Variants in CSMD1 observed in about 807,000 individuals in gnomAD.
CSMD1 encodes the protein CUB and Sushi multiple domains 1, also known as CUB and sushi domain-containing protein 1.
Under a neutral mutation model 417.5 loss-of-function variants are expected in CSMD1, and 213 were observed. That is an observed-to-expected ratio of 0.51 (90% confidence interval 0.46 to 0.57). The LOEUF is 0.57. CSMD1 is among the 20% of genes least tolerant of loss of function. CSMD1 has a pLI of 0.00. For missense variants in CSMD1, 6,923 were observed against 4,529.7 expected (o/e 1.53, Z -15.17); for synonymous variants, 2,862 against 1,736.8 (o/e 1.65, Z -16.11).
chr8:3,957,613 G>C (rs1371591924), intron 5 of CSMD1, among the ~76,000 whole-genome samples: 1 of 152,136 alleles, frequency 6.6e-6, no homozygotes, highest in Non-Finnish European at 1.5e-5. Flanking sequence ...GATCTCAGGA[G>C]TTCGGGGTTG....
intron 5 of CSMD1, among the ~76,000 whole-genome samples, chr8:3,760,148 G>T (rs1449632229): frequency 6.6e-6 from 1 of 152,080 alleles, no homozygotes. Context: ...GTCTTCTTAA[G>T]GGAATTTTGA....
At chr8:3,746,929 C>G (rs1797090498) in intron 6 of CSMD1, among the ~76,000 whole-genome samples, 2 of 152,218 alleles carry the variant, frequency 1.3e-5, no homozygotes, top group Admixed American at 1.3e-4. Context: ...GGCCTGTCAG[C>G]TTTCTGCCTG....
At chr8:4,768,641 C>T (rs548180997) in intron 1 of CSMD1, among the ~76,000 whole-genome samples, 1 of 152,198 alleles carries the variant, frequency 6.6e-6, no homozygotes, top group South Asian at 2.1e-4. Context: ...GGGTGATACC[C>T]GCAAAGTACA....
chr8:4,777,475 A>G (rs920915925), intron 1 of CSMD1, among the ~76,000 whole-genome samples: 1 of 152,174 alleles, frequency 6.6e-6, no homozygotes, highest in East Asian at 1.9e-4. Flanking sequence ...GACTCCTATA[A>G]TAAGATCAGA....
intron 3 of CSMD1, among the ~76,000 whole-genome samples, chr8:4,344,427 A>G (rs1347743693): frequency 6.6e-6 from 1 of 152,086 alleles, no homozygotes; most frequent in Admixed American, 6.6e-5. Context: ...AGGCAGGAAT[A>G]TTTTAAAACT....
intron 7 of CSMD1, among the ~76,000 whole-genome samples, chr8:3,689,371 A>T (rs1051853592): frequency 6.6e-6 from 1 of 152,214 alleles, no homozygotes; most frequent in Non-Finnish European, 1.5e-5. Context: ...TGCTGATGCC[A>T]TCAGAAATGC....
At chr8:4,326,147 A>C (rs113608152) in intron 3 of CSMD1, among the ~76,000 whole-genome samples, 17 of 152,276 alleles carry the variant, frequency 1.1e-4, no homozygotes, top group African/African-American at 3.8e-4. Flanking sequence ...TATTCAGTTT[A>C]GAGTTGTGCC....
intron 2 of CSMD1, among the ~76,000 whole-genome samples, chr8:4,608,733 C>T (rs751377753): frequency 3.9e-5 from 6 of 152,090 alleles, no homozygotes; most frequent in Admixed American, 2.0e-4. Flanking sequence ...AAGTCTGTGA[C>T]GATGTGTTTT....
chr8:4,925,653 T>G (rs1585341895), intron 1 of CSMD1, among the ~76,000 whole-genome samples: 1 of 152,020 alleles, frequency 6.6e-6, no homozygotes, highest in Middle Eastern at 3.4e-3. Flanking sequence ...TTCACGCCAT[T>G]CTCCTGCCTC....
At chr8:4,772,523 G>T (rs969858977) in intron 1 of CSMD1, among the ~76,000 whole-genome samples, 8 of 152,048 alleles carry the variant, frequency 5.3e-5, no homozygotes, top group Non-Finnish European at 2.9e-5. Context: ...ATTACAGCAT[G>T]GATATTTTGA....
chr8:4,635,784 A>C (rs1388554185), intron 2 of CSMD1, among the ~76,000 whole-genome samples: 1 of 152,098 alleles, frequency 6.6e-6, no homozygotes, highest in Non-Finnish European at 1.5e-5. Flanking sequence ...ATTAGCAAGT[A>C]TTGTATATGT....
At chr8:4,263,684 C>A (rs1563356376) in intron 3 of CSMD1, among the ~76,000 whole-genome samples, 1 of 152,270 alleles carries the variant, frequency 6.6e-6, no homozygotes, top group East Asian at 1.9e-4. Flanking sequence ...TTATTTATAT[C>A]ACCTTAATTT....
chr8:4,165,754 C>T (rs186157564), intron 3 of CSMD1, among the ~76,000 whole-genome samples: 75 of 152,290 alleles, frequency 4.9e-4, no homozygotes, highest in Non-Finnish European at 8.8e-4. Context: ...ATCATTTCTT[C>T]CTGGTCATGC....
intron 1 of CSMD1, among the ~76,000 whole-genome samples, chr8:4,708,351 T>G (rs912330169): frequency 1.3e-5 from 2 of 152,218 alleles, no homozygotes; most frequent in Non-Finnish European, 2.9e-5. Context: ...CGTGAACATT[T>G]AGACAACATC....
rs944210239 is a variant in CSMD1 at position 3,219,334 on chromosome 8, C to G, written c.4593G>C (p.Glu1531Asp). The G allele has an allele frequency of 6.3e-7, 1 of 1,583,246 alleles. No homozygotes were observed. Among genetic ancestry groups the G allele is most frequent in the African/African-American group, 1.3e-5 (1 of 74,404 alleles). Residue 1531 changes from glutamate (E) to aspartate (D), a missense_variant, in exon 29 of 70, where the codon GAG becomes GAC. Coordinates refer to ENST00000635120, the MANE Select transcript of CSMD1 (RefSeq NM_033225.6). ...YQGSQAPERI[E>D]SSGNSLFLAF... ...CCAGAAACAGGCTGTTTCCGCTACT[C>G]TCTATTCTTTCTGGGGCCTGAGAGC...
At chr8:4,262,847 CTG>C (rs1014670339) in intron 3 of CSMD1, among the ~76,000 whole-genome samples, 2 of 152,160 alleles carry the variant, frequency 1.3e-5, no homozygotes, top group African/African-American at 4.8e-5. Context: ...TTAATCAAAA[CTG>C]TCTTTTAAGC....
chr8:4,739,471 T>A (rs1435219122), intron 1 of CSMD1, among the ~76,000 whole-genome samples: 1 of 152,212 alleles, frequency 6.6e-6, no homozygotes, highest in Non-Finnish European at 1.5e-5. Flanking sequence ...TCTAATTGAA[T>A]TTGTTGTAAT....
intron 1 of CSMD1, among the ~76,000 whole-genome samples, chr8:4,755,919 G>A (rs17071210): frequency 0.029 from 4,486 of 152,168 alleles, 84 homozygotes; most frequent in African/African-American, 0.045. Flanking sequence ...CCTTTCCAGT[G>A]AACTCTACAC....
intron 1 of CSMD1, among the ~76,000 whole-genome samples, chr8:4,772,655 G>C (rs571867222): frequency 1.3e-5 from 2 of 152,192 alleles, no homozygotes; most frequent in Admixed American, 6.5e-5. Flanking sequence ...GGAATCTGAA[G>C]GTACAGAAAA....
Sources: gnomAD v4.1 joint callset for allele counts (sites outside exome capture counted in the v4.1 genomes callset) on GRCh38, gnomAD v4.1.1 for gene constraint, MANE v1.5 for transcripts, NCBI Gene and HGNC (gene_info 2026-07-23, HGNC 2026-07-21) for gene names.